Variants in PWWP2A observed in about 807,000 individuals in gnomAD.
PWWP2A encodes the protein PWWP domain-containing protein 2A.
Under a neutral mutation model 48.5 loss-of-function variants are expected in PWWP2A, and 18 were observed. The ratio of observed to expected loss-of-function variants is 0.37; its 90% CI spans 0.26 to 0.55. The LOEUF (loss-of-function observed/expected upper bound fraction) is 0.55, where lower values mean the gene tolerates loss of function less well. Ranked by LOEUF, PWWP2A falls within the 20% of genes least tolerant of loss-of-function variation. The pLI, the probability that PWWP2A is intolerant of heterozygous loss-of-function variation, is 0.81. For synonymous variants in PWWP2A, 396 were observed against 387.7 expected (o/e 1.02, Z -0.25); for missense variants, 867 against 976.4 (o/e 0.89, Z 1.49).
At chr5:160,066,472 A>G (rs959041231) in intron 4 of PWWP2A, 1 of 151,258 alleles carries the variant, frequency 6.6e-6, no homozygotes, top group Non-Finnish European at 1.5e-5. Flanking sequence ...AATTTTTTGT[A>G]TTTTTAGTAG....
chr5:160,083,576 T>C (rs745653452), intron 2 of PWWP2A, among the ~76,000 whole-genome samples: 6 of 152,156 alleles, frequency 3.9e-5, no homozygotes, highest in Non-Finnish European at 5.9e-5. Flanking sequence ...AGCTGACAAA[T>C]GTAGCTTTGT....
At chr5:160,080,629 G>A in intron 3 of PWWP2A, 4 of 1,508,970 alleles carry the variant, frequency 2.7e-6, no homozygotes, top group Non-Finnish European at 3.6e-6. Flanking sequence ...TCACTTTGTG[G>A]CAGGGCTTAA....
chr5:160,075,989 A>G (rs1581148554), exon 4 of PWWP2A: 1 of 152,056 alleles, frequency 6.6e-6, no homozygotes, highest in East Asian at 1.9e-4. Flanking sequence ...ATTCAAGTCT[A>G]CAAAACAAAA....
chr5:160,079,732 C>G (rs932125273), intron 3 of PWWP2A, among the ~76,000 whole-genome samples: 2 of 152,200 alleles, frequency 1.3e-5, no homozygotes, highest in African/African-American at 4.8e-5. Context: ...TCAAACAGAT[C>G]TTACTATTCC....
intron 1 of PWWP2A, among the ~76,000 whole-genome samples, chr5:160,111,692 A>G (rs73314943): frequency 0.013 from 1,951 of 152,326 alleles, 47 homozygotes; most frequent in African/African-American, 0.045. Context: ...CTTACTATAT[A>G]TCAAAATTTA....
At chr5:160,051,991 A>G in the PWWP2A span, among the ~76,000 whole-genome samples, 1 of 152,284 alleles carries the variant, frequency 6.6e-6, no homozygotes, top group African/African-American at 2.4e-5. Context: ...GCCTTCAGAC[A>G]TCAGCATCCA....
chr5:160,101,103 C>A (rs1338651782), intron 1 of PWWP2A, among the ~76,000 whole-genome samples: 3 of 152,342 alleles, frequency 2.0e-5, no homozygotes, highest in Admixed American at 6.5e-5. Context: ...GTAATCCCAG[C>A]ACTCTGGGAG....
At chr5:160,072,375 C>G (rs1350072308), downstream of PWWP2A, among the ~76,000 whole-genome samples, 1 of 152,114 alleles carries the variant, frequency 6.6e-6, no homozygotes, top group Non-Finnish European at 1.5e-5. Flanking sequence ...CCAGCCAGTT[C>G]AAGAGGTAGG....
At chr5:160,118,690 G>A (rs1402057408) in intron 1 of PWWP2A, 115 bp downstream of exon 1, 1 of 1,100,504 alleles carries the variant, frequency 9.1e-7, no homozygotes, top group Non-Finnish European at 1.2e-6. Context: ...CGCAGGACCA[G>A]AGGGCGGGGC....
the PWWP2A span, among the ~76,000 whole-genome samples, chr5:160,044,362 T>A: frequency 6.6e-6 from 1 of 152,198 alleles, no homozygotes. Flanking sequence ...AACAAAAGAA[T>A]GGCTACTCCA....
rs910328465 is a variant in PWWP2A, at chr5:160,070,071, A to G, written c.*80-3200T>C. Among the ~76,000 whole-genome samples, 3 of 152,194 alleles carry G rather than the reference A, an allele frequency of 2.0e-5. No homozygotes were observed. The South Asian group carries it at 6.2e-4, about 31-fold the overall frequency. On this transcript the variant is annotated intron_variant and NMD_transcript_variant, in intron 2 of 5. Transcript: ENST00000524050. ...GGATTTCTACAACAAATTCATACTC[A>G]TATGGTGGTCTTTCTGTGTAGAGTG...
the PWWP2A span, among the ~76,000 whole-genome samples, chr5:160,048,352 A>G: frequency 7.1e-4 from 108 of 151,970 alleles, no homozygotes; most frequent in Non-Finnish European, 1.3e-3. Context: ...GGGTTTCGCC[A>G]TGTTGGCTAG....
chr5:160,056,015 G>A, the PWWP2A span, among the ~76,000 whole-genome samples: 3 of 152,314 alleles, frequency 2.0e-5, no homozygotes, highest in East Asian at 5.8e-4. Context: ...CCTTGCCCCA[G>A]GTGCTGGGTA....
intron 1 of PWWP2A, among the ~76,000 whole-genome samples, chr5:160,110,702 A>G (rs112291553): frequency 0.013 from 1,931 of 151,770 alleles, 47 homozygotes; most frequent in African/African-American, 0.044. Flanking sequence ...GCGAAACTCC[A>G]CCTCAAAATG....
At chr5:160,090,602 A>T, downstream of PWWP2A, 5 of 985,152 alleles carry the variant, frequency 5.1e-6, no homozygotes, top group African/African-American at 1.7e-5. Flanking sequence ...CCCCATAAGA[A>T]ATTCTACTTG....
downstream of PWWP2A, chr5:160,090,195 T>C (rs1423679958): frequency 2.0e-6 from 2 of 984,992 alleles, no homozygotes; most frequent in African/African-American, 3.5e-5. Context: ...TCTTTCCCCA[T>C]GGCTTCTGAA....
At chr5:160,111,808 G>A (rs1343955492) in intron 1 of PWWP2A, among the ~76,000 whole-genome samples, 1 of 152,140 alleles carries the variant, frequency 6.6e-6, no homozygotes, top group East Asian at 1.9e-4. Flanking sequence ...GTCATTAGAC[G>A]TTGCTAATGA....
downstream of PWWP2A, chr5:160,089,370 GTTTT>G: frequency 2.9e-6 from 1 of 350,132 alleles, no homozygotes; most frequent in Non-Finnish European, 5.2e-6. Context: ...GCCCAGCTAA[GTTTT>G]TATTTTTCTG....
chr5:160,073,004 CAAAAAAAAAAAAAA>C (rs35836307), downstream of PWWP2A, among the ~76,000 whole-genome samples: 3 of 58,830 alleles, frequency 5.1e-5, no homozygotes, highest in African/African-American at 1.5e-4. Context: ...GGCTCCGTCT[CAAAAAAAAAAAAAA>C]AAAAAAAAAA....
Sources: allele counts gnomAD v4.1 joint callset (sites outside exome capture counted in the v4.1 genomes callset), GRCh38; gene constraint gnomAD v4.1.1; transcripts MANE v1.5; gene names NCBI Gene and HGNC (gene_info 2026-07-23, HGNC 2026-07-21).